Variants in SPIN1 observed in about 807,000 individuals in gnomAD.
The protein encoded by SPIN1 is spindlin 1, also known as spindlin-1.
In SPIN1, 3 loss-of-function variants were observed where a neutral mutation model predicts 26.0. The observed-to-expected ratio is 0.12, with a 90% CI of 0.05 to 0.30. The LOEUF is 0.30. SPIN1 is among the 10% of genes least tolerant of loss of function. The pLI is 1.00. For missense variants in SPIN1, 126 were observed against 333.4 expected (o/e 0.38, Z 4.84); for synonymous variants, 101 against 116.5 (o/e 0.87, Z 0.86).
At chr9:88,425,814 C>G (rs1235654008) in intron 1 of SPIN1, among the ~76,000 whole-genome samples, 1 of 152,176 alleles carries the variant, frequency 6.6e-6, no homozygotes, top group East Asian at 1.9e-4. Context: ...AAGGGAAACT[C>G]AGAGACGTGT....
intron 1 of SPIN1, among the ~76,000 whole-genome samples, chr9:88,422,717 T>G (rs578215616): frequency 6.6e-6 from 1 of 151,574 alleles, no homozygotes; most frequent in Non-Finnish European, 1.5e-5. Context: ...CTTTTTTCTT[T>G]TTTTTTTTTG....
intron 1 of SPIN1, chr9:88,411,362 A>G (rs960950649): frequency 2.9e-5 from 45 of 1,565,730 alleles, no homozygotes; most frequent in African/African-American, 1.2e-4. Context: ...CCATTGCTCA[A>G]AATGGCTCCT....
At chr9:88,392,214 T>G (rs12339977) in intron 1 of SPIN1, among the ~76,000 whole-genome samples, 50,289 of 152,104 alleles carry the variant, frequency 0.33, 15,743 homozygotes, top group African/African-American at 0.83. Flanking sequence ...GTAAACAGTT[T>G]CCTTAGTTGT....
At chr9:88,467,485 A>G (rs978798991) in intron 4 of SPIN1, among the ~76,000 whole-genome samples, 1 of 152,190 alleles carries the variant, frequency 6.6e-6, no homozygotes, top group African/African-American at 2.4e-5. Context: ...GAGAACTCCA[A>G]AAGGAACCGG....
chr9:88,402,974 G>A (rs1026999762), intron 1 of SPIN1, among the ~76,000 whole-genome samples: 3 of 152,026 alleles, frequency 2.0e-5, no homozygotes, highest in Non-Finnish European at 4.4e-5. Context: ...TGTTGTTTGT[G>A]TTTTTAATAA....
In SPIN1 at chr9:88,463,153, A is replaced by G. The variant is rs115009274; in HGVS notation, c.355+404A>G. Among the ~76,000 whole-genome samples, 618 of 152,302 alleles carry G rather than the reference A, an allele frequency of 4.1e-3. 6 individuals carry two copies. The highest frequency in any genetic ancestry group is 0.014 in the African/African-American group (593 of 41,564). ...CTGTGAAAGTGTATCTTTGTGTACA[A>G]CGTAAATGATAATTGTACTTTGAGC... On this transcript the variant is annotated intron_variant, in intron 4 of 5. Coordinates refer to ENST00000375859, the MANE Select transcript of SPIN1 (RefSeq NM_006717.3).
chr9:88,422,296 C>T (rs1827684916), intron 1 of SPIN1, among the ~76,000 whole-genome samples: 1 of 152,188 alleles, frequency 6.6e-6, no homozygotes, highest in Non-Finnish European at 1.5e-5. Flanking sequence ...ATAATGCTAA[C>T]TCTGAATCTA....
chr9:88,428,644 T>G (rs1176294954), intron 2 of SPIN1, among the ~76,000 whole-genome samples: 2 of 152,124 alleles, frequency 1.3e-5, no homozygotes, highest in East Asian at 1.9e-4. Context: ...ACCAAAAGAT[T>G]TTATTTTTTT....
At chr9:88,450,456 A>C (rs1433948490) in intron 3 of SPIN1, among the ~76,000 whole-genome samples, 2 of 152,082 alleles carry the variant, frequency 1.3e-5, no homozygotes, top group South Asian at 4.1e-4. Flanking sequence ...AGGATTTCAG[A>C]TATTAATAGG....
chr9:88,454,004 A>G (rs1828417822), intron 3 of SPIN1, among the ~76,000 whole-genome samples: 1 of 152,220 alleles, frequency 6.6e-6, no homozygotes, highest in South Asian at 2.1e-4. Context: ...ATGATGCTAA[A>G]TACCTTTCGA....
At chr9:88,467,040 A>G (rs765819648) in intron 4 of SPIN1, among the ~76,000 whole-genome samples, 1 of 151,932 alleles carries the variant, frequency 6.6e-6, no homozygotes. Flanking sequence ...CTTGTCTCTA[A>G]TTGTTTGTTT....
chr9:88,448,458 C>A (rs986537416), intron 2 of SPIN1, among the ~76,000 whole-genome samples: 14 of 152,078 alleles, frequency 9.2e-5, no homozygotes, highest in Non-Finnish European at 1.9e-4. Context: ...CTCAAGCACT[C>A]CCCCCACCTC....
At chr9:88,449,221 C>A (rs1445446192) in intron 3 of SPIN1, among the ~76,000 whole-genome samples, 4 of 151,916 alleles carry the variant, frequency 2.6e-5, no homozygotes, top group African/African-American at 9.7e-5. Context: ...CCTTTGGGAA[C>A]TGGGCCAATG....
At chr9:88,454,768 T>C (rs1233689521) in intron 3 of SPIN1, among the ~76,000 whole-genome samples, 4 of 152,208 alleles carry the variant, frequency 2.6e-5, no homozygotes, top group Non-Finnish European at 5.9e-5. Flanking sequence ...TCAGTGCTCT[T>C]AGTAGTGAGC....
intron 1 of SPIN1, chr9:88,411,400 C>A: frequency 6.3e-7 from 1 of 1,595,174 alleles, no homozygotes; most frequent in Non-Finnish European, 8.6e-7. Context: ...TTTCAAAGCT[C>A]AACCCTCCAA....
chr9:88,408,431 GC>G (rs1827359854), intron 1 of SPIN1, among the ~76,000 whole-genome samples: 1 of 140,724 alleles, frequency 7.1e-6, no homozygotes, highest in Non-Finnish European at 1.5e-5. Context: ...AGGCTGCAGT[GC>G]AGTGGTGCTA....
chr9:88,464,219 T>A (rs898782854), intron 4 of SPIN1, among the ~76,000 whole-genome samples: 1 of 152,266 alleles, frequency 6.6e-6, no homozygotes, highest in Non-Finnish European at 1.5e-5. Context: ...ATAGTTGTTA[T>A]TAATTTTAGT....
intron 1 of SPIN1, among the ~76,000 whole-genome samples, chr9:88,405,656 G>C (rs1827286499): frequency 1.4e-5 from 2 of 146,144 alleles, no homozygotes; most frequent in Non-Finnish European, 3.0e-5. Flanking sequence ...TGATTCTTCT[G>C]CCTCAGCCTC....
intron 3 of SPIN1, 90 bp downstream of exon 3, chr9:88,449,079 G>C (rs1828308626): frequency 8.2e-7 from 1 of 1,213,608 alleles, no homozygotes; most frequent in African/African-American, 1.5e-5. Context: ...CTCCTCCCCT[G>C]TGATCGAGGG....
Sources: gnomAD v4.1 joint callset for allele counts (sites outside exome capture counted in the v4.1 genomes callset) on GRCh38, gnomAD v4.1.1 for gene constraint, MANE v1.5 for transcripts, NCBI Gene and HGNC (gene_info 2026-07-23, HGNC 2026-07-21) for gene names.